RALGPS1: variants seen among roughly 807,000 people sequenced by gnomAD.
RALGPS1 encodes ras-specific guanine nucleotide-releasing factor RalGPS1.
Under a neutral mutation model 78.8 loss-of-function variants are expected in RALGPS1, and 19 were observed. The observed-to-expected ratio is 0.24, with a 90% CI of 0.17 to 0.35. The LOEUF (loss-of-function observed/expected upper bound fraction) is 0.35. Ranked by LOEUF, RALGPS1 falls within the 10% of genes least tolerant of loss-of-function variation. The probability of loss-of-function intolerance (pLI) is 1.00; values close to 1 mark genes in which losing one functional copy is unlikely to be tolerated. For missense variants in RALGPS1, 454 were observed against 688.3 expected, an observed-to-expected ratio of 0.66 and a Z score of 3.81; for synonymous variants, 228 against 256.3, an observed-to-expected ratio of 0.89 and a Z score of 1.06.
At chr9:126,936,074 C>T (rs573314398) in intron 1 of RALGPS1, among the ~76,000 whole-genome samples, 5 of 152,306 alleles carry the variant, frequency 3.3e-5, no homozygotes, top group Admixed American at 6.5e-5. Context: ...TTAGGAAGAC[C>T]GCAGTCTGCT....
chr9:127,155,392 G>C (rs962683645), intron 8 of RALGPS1, among the ~76,000 whole-genome samples: 1 of 152,174 alleles, frequency 6.6e-6, no homozygotes, highest in Admixed American at 6.5e-5. Context: ...TAGCAGCCAG[G>C]AAGGAGAAGG....
intron 11 of RALGPS1, among the ~76,000 whole-genome samples, chr9:127,191,992 C>T (rs557274159): frequency 9.2e-5 from 14 of 152,302 alleles, no homozygotes; most frequent in African/African-American, 3.1e-4. Context: ...CCACGGCGCC[C>T]GGCCTCCACT....
rs201665675 is a variant in RALGPS1, at chr9:127,177,546, T to TGCCTCAGCCTCA, written c.910+2792_910+2803dup. On this transcript the variant is annotated intron_variant, in intron 11 of 18. Transcript: ENST00000259351. ...CTCCCTGAGGAAGAGCCCAGGGCCCTGCCTCAGCCTCAGCCTCAGCCTCAG... is the reference window on the plus strand; with the variant it reads ...CTCCCTGAGGAAGAGCCCAGGGCCCTGCCTCAGCCTCAGCCTCAGCCTCAGCCTCAGCCTCAG... Among the ~76,000 whole-genome samples the TGCCTCAGCCTCA allele has an allele frequency of 4.6e-4, 70 of 152,050 alleles. 1 individual carries two copies. The highest frequency in any genetic ancestry group is 1.7e-3 in the African/African-American group (69 of 41,360).
chr9:127,015,757 A>G (rs1047192238), intron 4 of RALGPS1, among the ~76,000 whole-genome samples: 1 of 152,116 alleles, frequency 6.6e-6, no homozygotes, highest in Non-Finnish European at 1.5e-5. Flanking sequence ...CATGTGGGAC[A>G]CTTCATGTAT....
At chr9:127,035,179 G>C (rs1188788757) in intron 5 of RALGPS1, among the ~76,000 whole-genome samples, 1 of 152,180 alleles carries the variant, frequency 6.6e-6, no homozygotes, top group Non-Finnish European at 1.5e-5. Flanking sequence ...CCAATGTCAG[G>C]CATATCATAG....
At chr9:127,179,771 C>T (rs1327844000) in intron 11 of RALGPS1, among the ~76,000 whole-genome samples, 3 of 152,206 alleles carry the variant, frequency 2.0e-5, no homozygotes, top group Non-Finnish European at 4.4e-5. Flanking sequence ...ACCAATGTGC[C>T]GGGCGGTCTC....
chr9:127,046,602 T>C (rs772810850), intron 5 of RALGPS1, among the ~76,000 whole-genome samples: 6 of 141,586 alleles, frequency 4.2e-5, no homozygotes, highest in Admixed American at 2.3e-4. Context: ...TTATTTGATA[T>C]ACAAAGAGCT....
intron 4 of RALGPS1, among the ~76,000 whole-genome samples, chr9:127,005,449 T>C (rs1239314545): frequency 6.6e-6 from 1 of 152,236 alleles, no homozygotes; most frequent in Non-Finnish European, 1.5e-5. Flanking sequence ...CACCTGTCAC[T>C]GTGGCTGGGA....
At chr9:126,981,002 C>G (rs983421091) in intron 4 of RALGPS1, among the ~76,000 whole-genome samples, 1 of 152,144 alleles carries the variant, frequency 6.6e-6, no homozygotes, top group African/African-American at 2.4e-5. Flanking sequence ...CTGGGGTTGT[C>G]CTGGAAGACA....
intron 4 of RALGPS1, among the ~76,000 whole-genome samples, chr9:127,012,616 CT>C (rs1564415204): frequency 1.3e-5 from 2 of 152,232 alleles, no homozygotes; most frequent in Non-Finnish European, 2.9e-5. Context: ...GCTGTCTCAG[CT>C]GCACATGTGC....
At chr9:127,166,339 A>T (rs1236708539) in intron 9 of RALGPS1, 133 bp downstream of exon 9, 1 of 1,057,248 alleles carries the variant, frequency 9.5e-7, no homozygotes, top group African/African-American at 1.6e-5. Context: ...TCAAACATGT[A>T]CTAGATCCTT....
intron 1 of RALGPS1, among the ~76,000 whole-genome samples, chr9:126,928,886 G>A (rs894156384): frequency 3.3e-5 from 5 of 152,164 alleles, no homozygotes; most frequent in Admixed American, 6.5e-5. Context: ...ACAGATGTGA[G>A]CCACCACGCC....
intron 4 of RALGPS1, among the ~76,000 whole-genome samples, chr9:126,982,925 CTTCTTTTTTTTT>C: frequency 1.8e-5 from 1 of 54,648 alleles, no homozygotes; most frequent in East Asian, 1.0e-3. Flanking sequence ...TCTTCTTCTT[CTTCTTTTTTTTT>C]TTTTTTTTTT....
chr9:126,999,164 T>TAAA (rs914554272), intron 4 of RALGPS1, among the ~76,000 whole-genome samples: 5 of 149,544 alleles, frequency 3.3e-5, no homozygotes, highest in African/African-American at 1.3e-4. Context: ...ACTTAAAGTA[T>TAAA]AATAATAATA....
chr9:127,047,658 C>T (rs1438070805), intron 5 of RALGPS1, among the ~76,000 whole-genome samples: 1 of 150,236 alleles, frequency 6.7e-6, no homozygotes, highest in Admixed American at 6.6e-5. Flanking sequence ...GAGATCGTGC[C>T]ACTGCACTCC....
intron 11 of RALGPS1, among the ~76,000 whole-genome samples, chr9:127,191,136 G>C (rs986501833): frequency 1.3e-5 from 2 of 152,082 alleles, no homozygotes; most frequent in South Asian, 4.1e-4. Context: ...AGCTAATCCT[G>C]TGTTGGTTTA....
At chr9:127,055,734 A>G (rs1401566852) in intron 7 of RALGPS1, among the ~76,000 whole-genome samples, 2 of 152,216 alleles carry the variant, frequency 1.3e-5, no homozygotes, top group Non-Finnish European at 2.9e-5. Context: ...AACAAAAAAG[A>G]CAATTCCAGC....
chr9:126,971,859 G>T (rs184792506), intron 3 of RALGPS1, among the ~76,000 whole-genome samples: 1 of 152,140 alleles, frequency 6.6e-6, no homozygotes, highest in African/African-American at 2.4e-5. Flanking sequence ...AAAACTTACG[G>T]GATTCTGGAA....
intron 4 of RALGPS1, chr9:126,989,982 GCCTGTGGGT>G: frequency 6.4e-7 from 1 of 1,550,470 alleles, no homozygotes; most frequent in Non-Finnish European, 8.7e-7. Context: ...GGAAAACACT[GCCTGTGGGT>G]CCAGGAACCT....
Sources: gnomAD v4.1 joint callset for allele counts (sites outside exome capture counted in the v4.1 genomes callset) on GRCh38, gnomAD v4.1.1 for gene constraint, MANE v1.5 for transcripts, NCBI Gene and HGNC (gene_info 2026-07-23, HGNC 2026-07-21) for gene names.